Variants in ZEB1 observed in about 807,000 individuals in gnomAD.
The protein encoded by ZEB1 is zinc finger E-box-binding homeobox 1.
Under a neutral mutation model 84.9 loss-of-function variants are expected in ZEB1, and 21 were observed. That is an observed-to-expected ratio of 0.25 (90% CI 0.18 to 0.36). ZEB1 has a LOEUF of 0.36. Among genes scored for constraint, ZEB1 ranks in the 10% least tolerant of loss-of-function variants. The pLI is 1.00. For missense variants in ZEB1, 1,104 were observed against 1,330.2 expected (o/e 0.83, Z 2.65); for synonymous variants, 420 against 471.1 (o/e 0.89, Z 1.41).
At chr10:31,391,543 C>T (rs533632394) in intron 1 of ZEB1, among the ~76,000 whole-genome samples, 1 of 152,114 alleles carries the variant, frequency 6.6e-6, no homozygotes, top group Non-Finnish European at 1.5e-5. Flanking sequence ...TGCCTAACCT[C>T]TAATGTCTCA....
At chr10:31,365,831 A>C (rs1469586955) in intron 1 of ZEB1, among the ~76,000 whole-genome samples, 1 of 152,250 alleles carries the variant, frequency 6.6e-6, no homozygotes, top group Non-Finnish European at 1.5e-5. Context: ...TGAACATTTT[A>C]CATGATCAGC....
chr10:31,404,215 C>T (rs929652309), intron 1 of ZEB1, among the ~76,000 whole-genome samples: 1 of 149,644 alleles, frequency 6.7e-6, no homozygotes, highest in Non-Finnish European at 1.5e-5. Context: ...CCCTTTTCTG[C>T]AGCCGTTTTT....
Position 31,527,589 on chromosome 10 carries a change from G to C in ZEB1, c.*325G>C, listed in dbSNP as rs938858776. ...AGAGCAACAATACAAGAGGTTAAAG[G>C]AAGCTGATTAATTAGATATGCATCT... On this transcript the variant is annotated 3_prime_UTR_variant, in exon 9 of 9. Coordinates refer to ENST00000424869, the MANE Select transcript of ZEB1 (RefSeq NM_001174096.2). 29 of 300,376 alleles carry C rather than the reference G, an allele frequency of 9.7e-5. No individual in the cohort carries two copies. In the East Asian group the frequency reaches 1.7e-3, roughly 18 times the overall value. The allele number at this position is 300,376 out of a possible 1,614,324, so 18.6% of individuals were successfully genotyped here.
chr10:31,381,435 G>GA (rs1269583239), intron 1 of ZEB1, among the ~76,000 whole-genome samples: 1 of 152,146 alleles, frequency 6.6e-6, no homozygotes, highest in Non-Finnish European at 1.5e-5. Context: ...TTAACATCCA[G>GA]TGTATTTGAA....
intron 1 of ZEB1, among the ~76,000 whole-genome samples, chr10:31,436,321 A>C (rs1369352587): frequency 6.6e-6 from 1 of 152,210 alleles, no homozygotes; most frequent in Non-Finnish European, 1.5e-5. Context: ...GATTCTGAGA[A>C]GTTCAGAAAG....
At chr10:31,397,599 T>G (rs1408830453) in intron 1 of ZEB1, among the ~76,000 whole-genome samples, 1 of 152,226 alleles carries the variant, frequency 6.6e-6, no homozygotes, top group Non-Finnish European at 1.5e-5. Flanking sequence ...TTTGCACAAC[T>G]GTTTAAAGCA....
chr10:31,336,867 G>A lies in ZEB1; in HGVS notation c.58+17575G>A, dbSNP rs552366634. Among the ~76,000 whole-genome samples, 3 of 152,244 alleles carry A rather than the reference G, an allele frequency of 2.0e-5. No individual in the cohort carries two copies. In the South Asian group the frequency reaches 6.2e-4, roughly 32 times the overall value. ...ACATGGAACAACTGAACACTTAGGC[G>A]TTGCAGATGCTAATGTAAGTAGGTA... On this transcript the variant is annotated intron_variant, in intron 1 of 8. Transcript: ENST00000424869.
intron 1 of ZEB1, among the ~76,000 whole-genome samples, chr10:31,328,397 G>A (rs1280464532): frequency 2.6e-5 from 4 of 152,144 alleles, no homozygotes; most frequent in East Asian, 1.9e-4. Context: ...AGCATATGAC[G>A]CATTGTGCCT....
chr10:31,397,896 T>C (rs957995895), intron 1 of ZEB1, among the ~76,000 whole-genome samples: 9 of 152,156 alleles, frequency 5.9e-5, no homozygotes, highest in African/African-American at 2.2e-4. Context: ...GCAGATACAA[T>C]GCTTGTGGAT....
intron 1 of ZEB1, among the ~76,000 whole-genome samples, chr10:31,438,848 A>C (rs1296146087): frequency 1.3e-5 from 2 of 152,178 alleles, no homozygotes; most frequent in Non-Finnish European, 2.9e-5. Context: ...CGTGTCTAAA[A>C]TATACATACA....
chr10:31,371,689 T>C (rs961771947), intron 1 of ZEB1, among the ~76,000 whole-genome samples: 2 of 152,202 alleles, frequency 1.3e-5, no homozygotes, highest in Non-Finnish European at 2.9e-5. Context: ...CTCCTTTCCT[T>C]TATATCTCAT....
intron 1 of ZEB1, among the ~76,000 whole-genome samples, chr10:31,352,359 A>C (rs2041460011): frequency 6.6e-6 from 1 of 152,224 alleles, no homozygotes; most frequent in African/African-American, 2.4e-5. Flanking sequence ...AAAAAAACAA[A>C]AATTTGGCTT....
intron 1 of ZEB1, among the ~76,000 whole-genome samples, chr10:31,455,314 A>AGTAATCCATG (rs1564934474): frequency 6.6e-6 from 1 of 152,228 alleles, no homozygotes; most frequent in African/African-American, 2.4e-5. Flanking sequence ...AAAACCCTAG[A>AGTAATCCATG]AGAAAACCTG....
intron 1 of ZEB1, among the ~76,000 whole-genome samples, chr10:31,344,053 C>G (rs994687284): frequency 1.3e-5 from 2 of 152,002 alleles, no homozygotes; most frequent in African/African-American, 4.8e-5. Flanking sequence ...CTTCTCCATA[C>G]TTTTTCTGAC....
At chr10:31,476,935 C>G (rs186138390) in intron 2 of ZEB1, among the ~76,000 whole-genome samples, 2 of 151,982 alleles carry the variant, frequency 1.3e-5, no homozygotes, top group African/African-American at 4.8e-5. Context: ...TCATATATGA[C>G]AAAGTCACAG....
chr10:31,365,200 C>G (rs1414015278), intron 1 of ZEB1, among the ~76,000 whole-genome samples: 2 of 152,214 alleles, frequency 1.3e-5, no homozygotes, highest in Non-Finnish European at 2.9e-5. Context: ...AGATTATTTA[C>G]AAGTTCATAG....
Position 31,521,584 on chromosome 10 carries a change from C to T in ZEB1, c.2252C>T (p.Ser751Leu), listed in dbSNP as rs1458928910. The change falls in exon 7 of 9, where the codon TCA becomes TTA. Residue 751 changes from serine (S) to leucine (L), a missense_variant. Ser to Leu is a moderately radical substitution (Grantham distance 145, BLOSUM62 -2). Coordinates refer to ENST00000424869, the MANE Select transcript of ZEB1 (RefSeq NM_001174096.2). Reference sequence around the variant, plus strand: ...CAACAGGGAGAATTATTAGAAAGGTCAACTATCACTAGTGTTTACCAGAAC... The same window carrying T: ...CAACAGGGAGAATTATTAGAAAGGTTAACTATCACTAGTGTTTACCAGAAC... ...PKQQGELLER[S>L]TITSVYQNSV... 6.2e-7 allele frequency: 1 copy of T among 1,613,982 alleles called. No homozygotes were observed. Among genetic ancestry groups the T allele is most frequent in the Non-Finnish European group, 8.5e-7 (1 of 1,180,020 alleles).
intron 1 of ZEB1, among the ~76,000 whole-genome samples, chr10:31,350,122 A>T (rs1267901119): frequency 2.6e-5 from 4 of 152,078 alleles, no homozygotes; most frequent in African/African-American, 9.7e-5. Flanking sequence ...GTCTAATTTC[A>T]TTCTTCTGCA....
At chr10:31,361,063 A>C in intron 1 of ZEB1, 2 of 1,611,682 alleles carry the variant, frequency 1.2e-6, no homozygotes, top group East Asian at 4.5e-5. Context: ...CTGGATAATC[A>C]GACTTCTTTT....
Sources: gnomAD v4.1 joint callset for allele counts (sites outside exome capture counted in the v4.1 genomes callset) on GRCh38, gnomAD v4.1.1 for gene constraint, MANE v1.5 for transcripts, NCBI Gene and HGNC (gene_info 2026-07-23, HGNC 2026-07-21) for gene names.